The following FOXP2 variants were observed in gnomAD, a reference collection of about 807,000 sequenced individuals.
FOXP2 encodes the protein forkhead box P2.
In FOXP2, 12 loss-of-function variants were observed where a neutral mutation model predicts 115.8. That is an observed-to-expected ratio of 0.10 (90% CI 0.07 to 0.17). FOXP2 has a LOEUF of 0.17. Among genes scored for constraint, FOXP2 ranks in the 10% least tolerant of loss-of-function variants. The pLI is 1.00. For synonymous variants in FOXP2, 328 were observed against 297.7 expected (o/e 1.10, Z -1.05); for missense variants, 629 against 843.5 (o/e 0.75, Z 3.15).
At chr7:114,158,895 A>G (rs920731988), upstream of FOXP2, among the ~76,000 whole-genome samples, 3 of 152,130 alleles carry the variant, frequency 2.0e-5, no homozygotes, top group Non-Finnish European at 4.4e-5. Context: ...ATTTACATTC[A>G]GAAAAACAAA....
intron 1 of FOXP2, among the ~76,000 whole-genome samples, chr7:114,110,468 A>G (rs1281235381): frequency 2.0e-5 from 3 of 152,170 alleles, no homozygotes; most frequent in African/African-American, 4.8e-5. Context: ...AAAAAAGGTT[A>G]ATGGATTGTT....
intron 3 of FOXP2, among the ~76,000 whole-genome samples, chr7:114,590,335 A>C (rs546532320): frequency 3.9e-5 from 6 of 152,306 alleles, no homozygotes; most frequent in Admixed American, 1.3e-4. Flanking sequence ...ATCTTGGTCA[A>C]ATATTACAGG....
chr7:114,096,133 G>A (rs964843328), intron 1 of FOXP2, among the ~76,000 whole-genome samples: 8 of 152,242 alleles, frequency 5.3e-5, no homozygotes, highest in Middle Eastern at 6.8e-3. Context: ...GTGCGAAGGC[G>A]ACTTTCTTTG....
At chr7:114,654,556 TAG>T (rs1806466757) in intron 10 of FOXP2, among the ~76,000 whole-genome samples, 2 of 152,180 alleles carry the variant, frequency 1.3e-5, no homozygotes, top group Admixed American at 6.6e-5. Flanking sequence ...AATGTTAATT[TAG>T]AGAGCTTATC....
At chr7:114,393,076 T>G (rs996158168) in intron 2 of FOXP2, among the ~76,000 whole-genome samples, 1 of 152,160 alleles carries the variant, frequency 6.6e-6, no homozygotes, top group African/African-American at 2.4e-5. Flanking sequence ...GCATAGTCAT[T>G]GTAATTATGG....
chr7:114,106,356 T>C (rs1265563273), intron 1 of FOXP2, among the ~76,000 whole-genome samples: 1 of 137,454 alleles, frequency 7.3e-6, no homozygotes. Flanking sequence ...TGCTGTCCCC[T>C]CCTTTTTTTT....
chr7:114,498,206 T>A (rs1452752411), intron 2 of FOXP2, among the ~76,000 whole-genome samples: 1 of 152,222 alleles, frequency 6.6e-6, no homozygotes, highest in African/African-American at 2.4e-5. Context: ...ATATAACTTA[T>A]GTTTATAAAT....
chr7:114,312,547 G>A (rs1003207462), intron 2 of FOXP2, among the ~76,000 whole-genome samples: 9 of 152,098 alleles, frequency 5.9e-5, no homozygotes, highest in Admixed American at 1.3e-4. Flanking sequence ...AAACCTGTTG[G>A]GTTTAGGGTA....
intron 2 of FOXP2, among the ~76,000 whole-genome samples, chr7:114,527,919 G>A (rs989354729): frequency 2.0e-5 from 3 of 152,000 alleles, no homozygotes; most frequent in South Asian, 2.1e-4. Context: ...TTGCACGTAC[G>A]TTTTTACAAG....
chr7:114,099,155 GA>G (rs1799717471), intron 1 of FOXP2, among the ~76,000 whole-genome samples: 1 of 151,490 alleles, frequency 6.6e-6, no homozygotes, highest in African/African-American at 2.4e-5. Flanking sequence ...CAAACAAACA[GA>G]AAAAAAGCAC....
chr7:114,627,388 GAA>G (rs1682820983), intron 3 of FOXP2, among the ~76,000 whole-genome samples: 1 of 151,898 alleles, frequency 6.6e-6, no homozygotes, highest in African/African-American at 2.4e-5. Flanking sequence ...TTTTTTCTAG[GAA>G]AGTGATTACT....
At chr7:114,492,146 G>A (rs1277885729) in intron 2 of FOXP2, among the ~76,000 whole-genome samples, 3 of 152,136 alleles carry the variant, frequency 2.0e-5, no homozygotes, top group Non-Finnish European at 4.4e-5. Flanking sequence ...TTGGGAGGGT[G>A]TATGTGTCCA....
At chr7:114,624,079 C>A (rs1457204785) in intron 3 of FOXP2, among the ~76,000 whole-genome samples, 1 of 151,786 alleles carries the variant, frequency 6.6e-6, no homozygotes, top group Non-Finnish European at 1.5e-5. Flanking sequence ...TGAATTTTTA[C>A]CAAAGCTGGC....
chr7:114,639,968 A>T (rs1380638987), intron 6 of FOXP2, among the ~76,000 whole-genome samples: 1 of 152,188 alleles, frequency 6.6e-6, no homozygotes, highest in Non-Finnish European at 1.5e-5. Flanking sequence ...GAATACTTGG[A>T]TACTCCATGA....
chr7:114,668,913 C>G (rs1444071568), intron 16 of FOXP2: 1 of 151,914 alleles, frequency 6.6e-6, no homozygotes, highest in Non-Finnish European at 1.5e-5. Flanking sequence ...GTATAAAATC[C>G]AGGGTTCTCC....
At chr7:114,167,524 C>A (rs1330892311) in intron 1 of FOXP2, among the ~76,000 whole-genome samples, 2 of 152,042 alleles carry the variant, frequency 1.3e-5, no homozygotes, top group African/African-American at 4.8e-5. Context: ...TCATAGCTCC[C>A]GTAATTTTCA....
intron 2 of FOXP2, among the ~76,000 whole-genome samples, chr7:114,510,069 G>A (rs1429426215): frequency 1.3e-5 from 2 of 152,174 alleles, no homozygotes; most frequent in African/African-American, 2.4e-5. Context: ...ATTAAATGAT[G>A]AGCAAAGAGA....
At chr7:114,209,347 G>A (rs752932315) in intron 1 of FOXP2, among the ~76,000 whole-genome samples, 11 of 152,156 alleles carry the variant, frequency 7.2e-5, no homozygotes, top group Non-Finnish European at 1.5e-4. Flanking sequence ...TCTTGGGTAT[G>A]TCGTTATTAG....
At chr7:114,236,150 G>T (rs1795003021) in intron 1 of FOXP2, among the ~76,000 whole-genome samples, 1 of 152,188 alleles carries the variant, frequency 6.6e-6, no homozygotes, top group African/African-American at 2.4e-5. Context: ...AAATGCCAGT[G>T]AGAGGATAAG....
Sources: allele counts gnomAD v4.1 joint callset (sites outside exome capture counted in the v4.1 genomes callset), GRCh38; gene constraint gnomAD v4.1.1; transcripts MANE v1.5; gene names NCBI Gene and HGNC (gene_info 2026-07-23, HGNC 2026-07-21).